BCL7C: variants seen among roughly 807,000 people sequenced by gnomAD.
The protein encoded by BCL7C is BAF chromatin remodeling complex subunit BCL7C, also known as B-cell CLL/lymphoma 7 protein family member C.
In BCL7C, 8 loss-of-function variants were observed where a neutral mutation model predicts 26.2. The ratio of observed to expected loss-of-function variants is 0.30; its 90% CI spans 0.18 to 0.55. The LOEUF is 0.55. Among genes scored for constraint, BCL7C ranks in the 20% least tolerant of loss-of-function variants. The pLI is 0.93. For missense variants in BCL7C, 262 were observed against 298.5 expected (o/e 0.88, Z 0.90); for synonymous variants, 90 against 116.5 (o/e 0.77, Z 1.47).
intron 5 of BCL7C, among the ~76,000 whole-genome samples, chr16:30,854,359 G>A (rs1406219232): frequency 4.6e-5 from 7 of 152,170 alleles, no homozygotes; most frequent in Non-Finnish European, 7.3e-5. Context: ...GGTCATCCAT[G>A]ACTTCTTATT....
intron 5 of BCL7C, among the ~76,000 whole-genome samples, chr16:30,856,336 G>C (rs575177748): frequency 6.6e-6 from 1 of 151,152 alleles, no homozygotes; most frequent in East Asian, 2.0e-4. Context: ...AGCTACTCAG[G>C]AGGCTGAGGC....
exon 6 of BCL7C, chr16:30,835,131 C>T (rs1485770708): frequency 5.9e-6 from 9 of 1,520,610 alleles, no homozygotes; most frequent in Non-Finnish European, 8.0e-6. Flanking sequence ...CTCTCCTCGT[C>T]ATTCTCACTC....
At chr16:30,838,322 T>C (rs1326915586) in intron 5 of BCL7C, among the ~76,000 whole-genome samples, 1 of 152,230 alleles carries the variant, frequency 6.6e-6, no homozygotes, top group African/African-American at 2.4e-5. Flanking sequence ...TATGTGTATA[T>C]AGTATACACA....
intron 5 of BCL7C, among the ~76,000 whole-genome samples, chr16:30,849,935 C>T (rs756694970): frequency 1.3e-5 from 2 of 151,904 alleles, no homozygotes; most frequent in Non-Finnish European, 2.9e-5. Context: ...AAGAAATATG[C>T]CTTCCAGGCT....
chr16:30,888,699 C>T (rs2055175955), intron 5 of BCL7C, 161 bp downstream of exon 5: 2 of 596,304 alleles, frequency 3.4e-6, no homozygotes, highest in South Asian at 2.1e-5. Flanking sequence ...CTCTGAAACA[C>T]CCTTTCTTTT....
intron 5 of BCL7C, among the ~76,000 whole-genome samples, chr16:30,871,454 T>C (rs2054881474): frequency 6.6e-6 from 1 of 152,170 alleles, no homozygotes; most frequent in African/African-American, 2.4e-5. Context: ...AGATTATGCA[T>C]GTAGTGCTCT....
intron 5 of BCL7C, among the ~76,000 whole-genome samples, chr16:30,839,042 A>T (rs138033233): frequency 1.3e-5 from 2 of 152,224 alleles, no homozygotes; most frequent in African/African-American, 4.8e-5. Flanking sequence ...CACAGGATCT[A>T]CTGAGATCAA....
rs535857790 is a variant in BCL7C at position 30,849,391 on chromosome 16, A to T, written c.529-14243T>A. On this transcript the variant is annotated intron_variant, in intron 5 of 5. Coordinates refer to the BCL7C transcript ENST00000380317. ...TATAAAATGTCTTTTGTATCTAGTA[A>T]CAATTTTTGTCTTAAATTCTGGTTT... is the stretch of plus-strand genomic sequence containing the variant. Among the ~76,000 whole-genome samples, 421 of 151,976 alleles carry T rather than the reference A, an allele frequency of 2.8e-3. 1 individual carries two copies. The highest frequency in any genetic ancestry group is 1.0e-2 in the African/African-American group (414 of 41,456).
At chr16:30,885,291 G>A (rs1451014715), downstream of BCL7C, among the ~76,000 whole-genome samples, 1 of 152,172 alleles carries the variant, frequency 6.6e-6, no homozygotes, top group African/African-American at 2.4e-5. Flanking sequence ...CTAGAAGCCG[G>A]AAAAGGCAAA....
At chr16:30,891,168 C>CAAA (rs147478982) in intron 4 of BCL7C, among the ~76,000 whole-genome samples, 175 of 84,608 alleles carry the variant, frequency 2.1e-3, no homozygotes, top group East Asian at 6.9e-3. Context: ...GACTTCATCT[C>CAAA]AAAAAAAAAA....
chr16:30,860,249 T>C (rs1030821957), intron 5 of BCL7C, among the ~76,000 whole-genome samples: 4 of 152,212 alleles, frequency 2.6e-5, no homozygotes, highest in African/African-American at 9.6e-5. Flanking sequence ...TGCCTGATTA[T>C]TCACCCCACA....
downstream of BCL7C, among the ~76,000 whole-genome samples, chr16:30,885,455 G>C (rs888989222): frequency 3.3e-5 from 5 of 151,394 alleles, no homozygotes; most frequent in South Asian, 2.1e-4. Context: ...CATCACCCAG[G>C]CTGGAGTATA....
chr16:30,871,633 C>T (rs1218999746), intron 5 of BCL7C, among the ~76,000 whole-genome samples: 1 of 152,004 alleles, frequency 6.6e-6, no homozygotes, highest in African/African-American at 2.4e-5. Flanking sequence ...TACAGGCAGG[C>T]ACCACCACAC....
At chr16:30,849,491 G>A (rs1332001767) in intron 5 of BCL7C, among the ~76,000 whole-genome samples, 1 of 151,744 alleles carries the variant, frequency 6.6e-6, no homozygotes, top group Non-Finnish European at 1.5e-5. Flanking sequence ...TAGCTCTATT[G>A]CCCAGGCTGG....
chr16:30,835,239 A>C, intron 5 of BCL7C: 8 of 1,183,958 alleles, frequency 6.8e-6, no homozygotes, highest in Non-Finnish European at 6.8e-6. Context: ...TGACTTCCAA[A>C]TGGCGCAAGT....
In BCL7C at chr16:30,848,175, A is replaced by G. The variant is rs76846351; in HGVS notation, c.529-13027T>C. Reference sequence around the variant, plus strand: ...ATGAGATGCCAGATCTTTCCTGGTAATCACAAGGAAGAGAGAATCCAAAGG... The same window carrying G: ...ATGAGATGCCAGATCTTTCCTGGTAGTCACAAGGAAGAGAGAATCCAAAGG... On this transcript the variant is annotated intron_variant, in intron 5 of 5. Transcript: ENST00000380317. 2.1e-3 allele frequency among the ~76,000 whole-genome samples: 326 copies of G among 152,302 alleles called. 1 individual carries two copies. Among genetic ancestry groups the G allele is most frequent in the African/African-American group, 7.6e-3 (317 of 41,558 alleles).
intron 5 of BCL7C, among the ~76,000 whole-genome samples, chr16:30,874,174 T>A (rs2054911395): frequency 6.6e-6 from 1 of 151,822 alleles, no homozygotes; most frequent in South Asian, 2.1e-4. Flanking sequence ...TTTTGTATTT[T>A]TAGTAGAGAC....
downstream of BCL7C, among the ~76,000 whole-genome samples, chr16:30,887,124 C>G (rs1364820884): frequency 6.6e-6 from 1 of 152,104 alleles, no homozygotes; most frequent in African/African-American, 2.4e-5. Flanking sequence ...GCCTGGCCAA[C>G]ATGGCAAAAC....
intron 4 of BCL7C, among the ~76,000 whole-genome samples, chr16:30,889,671 G>A (rs767492909): frequency 5.3e-5 from 8 of 152,206 alleles, no homozygotes; most frequent in Non-Finnish European, 1.2e-4. Flanking sequence ...TGTATTTTTA[G>A]TAGAGACAGG....
Sources: gnomAD v4.1 joint callset for allele counts (sites outside exome capture counted in the v4.1 genomes callset) on GRCh38, gnomAD v4.1.1 for gene constraint, MANE v1.5 for transcripts, NCBI Gene and HGNC (gene_info 2026-07-23, HGNC 2026-07-21) for gene names.